ADORA1: variants seen among roughly 807,000 people sequenced by gnomAD.
ADORA1 encodes adenosine receptor A1.
A neutral mutation model predicts 19.9 loss-of-function variants in ADORA1; 6 were observed. The ratio of observed to expected loss-of-function variants is 0.30; its 90% CI spans 0.17 to 0.59. The LOEUF (loss-of-function observed/expected upper bound fraction) is 0.59, where lower values mean the gene tolerates loss of function less well. ADORA1 is among the 20% of genes least tolerant of loss of function. The pLI is 0.87. For synonymous variants in ADORA1, 194 were observed against 188.4 expected, an observed-to-expected ratio of 1.03 and a Z score of -0.24; for missense variants, 302 against 439.2, an observed-to-expected ratio of 0.69 and a Z score of 2.79.
chr1:203,134,751 A>G (rs1654452467), intron 3 of ADORA1, among the ~76,000 whole-genome samples: 1 of 152,262 alleles, frequency 6.6e-6, no homozygotes, highest in African/African-American at 2.4e-5. Context: ...TACCACCTAC[A>G]GAGAACTACC....
chr1:203,137,807 C>T (rs893066456), intron 3 of ADORA1, among the ~76,000 whole-genome samples: 1 of 152,138 alleles, frequency 6.6e-6, no homozygotes, highest in Non-Finnish European at 1.5e-5. Flanking sequence ...GGGCTCCCTC[C>T]CAGTCAGTAC....
At chr1:203,145,333 A>T (rs1654825453) in intron 3 of ADORA1, among the ~76,000 whole-genome samples, 2 of 152,224 alleles carry the variant, frequency 1.3e-5, no homozygotes, top group African/African-American at 2.4e-5. Flanking sequence ...GGGAAACAGG[A>T]TGCCTGAACT....
In ADORA1 at chr1:203,128,536, T is replaced by A. The variant is rs763644494; in HGVS notation, c.-58+104T>A. On this transcript the variant is annotated intron_variant, in intron 2 of 3. Coordinates refer to ENST00000337894, the MANE Select transcript of ADORA1 (RefSeq NM_000674.3). This position sits in a 1 kb window ranked among gnomAD's most constrained non-coding sequence, Gnocchi z 5.9. ...GTGTGCGCGCGCGCTGGGAGCTGCCTCACACCTGATAAAAAAGCCAGTGGA... is the reference window on the plus strand; with the variant it reads ...GTGTGCGCGCGCGCTGGGAGCTGCCACACACCTGATAAAAAAGCCAGTGGA... 17 of 966,630 alleles carry A rather than the reference T, an allele frequency of 1.8e-5. No homozygotes were observed. The highest frequency in any genetic ancestry group is 2.4e-5 in the Non-Finnish European group (17 of 703,396). 59.9% of individuals were successfully genotyped at this position (966,630 alleles called of 1,614,324 possible).
chr1:203,165,470 ACTT>A lies in ADORA1; in HGVS notation c.555_557del (p.Phe186del). On this transcript the variant is annotated inframe_deletion, in exon 4 of 4. Transcript: ENST00000337894. The surrounding 1 kb of genome is among the most constrained non-coding windows in gnomAD (Gnocchi z 5.9). ...AGCATGGAGTACATGGTCTACTTCAACTTCTTTGTGTGGGTGCTGCCCCCGCTT... is the reference window on the plus strand; with the variant it reads ...AGCATGGAGTACATGGTCTACTTCAACTTTGTGTGGGTGCTGCCCCCGCTT... 1 of 1,613,494 alleles carries A rather than the reference ACTT, an allele frequency of 6.2e-7. No individual in the cohort carries two copies. The highest frequency in any genetic ancestry group is 8.5e-7 in the Non-Finnish European group (1 of 1,179,630).
chr1:203,138,377 T>G (rs1654576405), intron 3 of ADORA1, among the ~76,000 whole-genome samples: 2 of 152,036 alleles, frequency 1.3e-5, no homozygotes, highest in East Asian at 3.9e-4. Context: ...TGAGGCTGGA[T>G]GAGATCCCCA....
rs137978765 is a variant in ADORA1 at position 203,129,940 on chromosome 1, G to A, written c.341+758G>A. ...GGGTGGCCTGCTGGTGCCGTCCTCA[G>A]TGTGGGTGTCCAGCCCATGTTGGAG... On this transcript the variant is annotated intron_variant, in intron 3 of 3. Transcript: ENST00000337894. Among the ~76,000 whole-genome samples the A allele has an allele frequency of 3.4e-3, 515 of 152,390 alleles. 15 individuals are homozygous for A. Among genetic ancestry groups the A allele is most frequent in the Non-Finnish European group, 4.7e-3 (323 of 68,044 alleles).
chr1:203,150,730 T>C, intron 3 of ADORA1: 3 of 1,289,804 alleles, frequency 2.3e-6, no homozygotes, highest in Non-Finnish European at 3.0e-6. Flanking sequence ...AGCTGTGGAA[T>C]GCGGAGCTGA....
rs201433913 is a variant in ADORA1, at chr1:203,165,108, C to A, written c.342-153C>A. ...TAAATCTTAGATCCTGAAGACTCAG[C>A]CCTCGAGCAAAAGACATGCACCTCC... On this transcript the variant is annotated intron_variant, in intron 3 of 3. Transcript: ENST00000337894. This position sits in a 1 kb window ranked among gnomAD's most constrained non-coding sequence, Gnocchi z 5.9. 1.3e-5 allele frequency: 20 copies of A among 1,551,688 alleles called. No homozygotes were observed. The highest frequency in any genetic ancestry group is 1.7e-5 in the Non-Finnish European group (20 of 1,147,538).
chr1:203,165,046 C>T lies in ADORA1; in HGVS notation c.342-215C>T, dbSNP rs537332128. On this transcript the variant is annotated intron_variant, in intron 3 of 3. Coordinates refer to ENST00000337894, the MANE Select transcript of ADORA1 (RefSeq NM_000674.3). This position sits in a 1 kb window ranked among gnomAD's most constrained non-coding sequence, Gnocchi z 5.9. ...TTTTTGTCATTAATCAGGATTTCCT[C>T]TCTCTGTAGGAGAATAAGCCAATGC... 20 of 1,549,890 alleles carry T rather than the reference C, an allele frequency of 1.3e-5. No individual in the cohort carries two copies. In the African/African-American group the frequency reaches 2.3e-4, roughly 18 times the overall value.
In ADORA1 at chr1:203,128,818, T is replaced by A; in HGVS notation, c.-24T>A. 6.4e-7 allele frequency: 1 copy of A among 1,568,076 alleles called. No homozygotes were observed. The highest frequency in any genetic ancestry group is 8.6e-7 in the Non-Finnish European group (1 of 1,160,292). ...CTCGTGCCCCTTGGTGCCCGTCTGC[T>A]GATGTGCCCAGCCTGTGCCCGCCAT... On this transcript the variant is annotated 5_prime_UTR_variant, in exon 3 of 4. An upstream open reading frame in the 5' UTR loses its in-frame stop. Transcript: ENST00000337894. This position sits in a 1 kb window ranked among gnomAD's most constrained non-coding sequence, Gnocchi z 5.9.
chr1:203,151,181 G>A (rs1308642629), intron 3 of ADORA1, among the ~76,000 whole-genome samples: 1 of 152,198 alleles, frequency 6.6e-6, no homozygotes, highest in South Asian at 2.1e-4. Context: ...GAGGAAAGGC[G>A]TGGGCTCACC....
At chr1:203,131,749 C>T (rs927337686) in intron 3 of ADORA1, among the ~76,000 whole-genome samples, 1 of 152,208 alleles carries the variant, frequency 6.6e-6, no homozygotes, top group Non-Finnish European at 1.5e-5. Flanking sequence ...ATTCTGGGCT[C>T]CTGCGTGGCA....
At chr1:203,158,668 T>C (rs11586408) in intron 3 of ADORA1, among the ~76,000 whole-genome samples, 6,285 of 152,318 alleles carry the variant, frequency 0.041, 183 homozygotes, top group South Asian at 0.076. Context: ...ACCAATCTTC[T>C]GTCTTAGTCC....
intron 3 of ADORA1, among the ~76,000 whole-genome samples, chr1:203,157,566 A>T (rs568768754): frequency 6.6e-6 from 1 of 152,146 alleles, no homozygotes; most frequent in Non-Finnish European, 1.5e-5. Context: ...CCATGGCTCC[A>T]GGAGGCATTG....
chr1:203,136,865 A>T (rs1654528235), intron 3 of ADORA1, among the ~76,000 whole-genome samples: 1 of 152,184 alleles, frequency 6.6e-6, no homozygotes, highest in African/African-American at 2.4e-5. Flanking sequence ...TAATTCATTC[A>T]TTTGTTCATT....
chr1:203,137,596 T>C (rs1654551129), intron 3 of ADORA1, among the ~76,000 whole-genome samples: 1 of 152,180 alleles, frequency 6.6e-6, no homozygotes, highest in Non-Finnish European at 1.5e-5. Context: ...ATCTGAACAA[T>C]AGCAGAGGAG....
At chr1:203,161,656 C>T (rs1655372519) in intron 3 of ADORA1, among the ~76,000 whole-genome samples, 1 of 151,544 alleles carries the variant, frequency 6.6e-6, no homozygotes, top group African/African-American at 2.4e-5. Context: ...ACCACAACCT[C>T]CGCCTCCTGG....
chr1:203,134,656 C>A (rs1280835448), intron 3 of ADORA1, among the ~76,000 whole-genome samples: 1 of 152,076 alleles, frequency 6.6e-6, no homozygotes, highest in Non-Finnish European at 1.5e-5. Context: ...CTGACATTTG[C>A]TATTTATTTC....
chr1:203,160,450 G>A (rs1276038435), intron 3 of ADORA1, among the ~76,000 whole-genome samples: 1 of 152,186 alleles, frequency 6.6e-6, no homozygotes, highest in Non-Finnish European at 1.5e-5. Flanking sequence ...TTTCACATTA[G>A]GGATGCTCAA....
Sources: gnomAD v4.1 joint callset for allele counts (sites outside exome capture counted in the v4.1 genomes callset) on GRCh38, gnomAD v4.1.1 for gene constraint, Gnocchi (gnomAD v3.1) non-coding constraint, MANE v1.5 for transcripts, NCBI Gene and HGNC (gene_info 2026-07-23, HGNC 2026-07-21) for gene names.